The following SIK2 variants were observed in gnomAD, a reference collection of about 807,000 sequenced individuals.
SIK2 encodes the protein serine/threonine-protein kinase SIK2.
SIK2 carries 29 observed loss-of-function variants against 103.2 expected under a neutral mutation model. That is an observed-to-expected ratio of 0.28 (90% CI 0.21 to 0.38). SIK2 has a LOEUF of 0.38. Among genes scored for constraint, SIK2 ranks in the 10% least tolerant of loss-of-function variants. SIK2 has a pLI of 1.00. For missense variants in SIK2, 879 were observed against 1,171.0 expected (o/e 0.75, Z 3.64); for synonymous variants, 412 against 446.1 (o/e 0.92, Z 0.96).
chr11:111,714,870 C>G (rs1386965666), intron 9 of SIK2, among the ~76,000 whole-genome samples: 2 of 152,150 alleles, frequency 1.3e-5, no homozygotes, highest in Non-Finnish European at 2.9e-5. Flanking sequence ...TACAGTCCCA[C>G]TCAGAAAGTT....
rs1297550034 is a variant in SIK2, at chr11:111,721,912, A to G, written c.2027A>G (p.Glu676Gly). The change falls in exon 13 of 15, where the codon GAG (glutamate) becomes GGG (glycine). Residue 676 changes from glutamate (E) to glycine (G), a missense_variant. Coordinates refer to ENST00000304987, the MANE Select transcript of SIK2 (RefSeq NM_015191.3). ...CAGCTGTCCCCACGGCAGAGCCTGG[A>G]GACCCAGTACCTGCAGCACAGACTC... The part of the protein sequence containing the change: ...HPQLSPRQSL[E>G]TQYLQHRLQK... The G allele has an allele frequency of 6.2e-7, 1 of 1,611,260 alleles. No individual in the cohort carries two copies. Among genetic ancestry groups the G allele is most frequent in the Non-Finnish European group, 8.5e-7 (1 of 1,178,542 alleles).
Position 111,617,832 on chromosome 11 carries a change from TTGTG to T in SIK2, c.252+1475_252+1478del, listed in dbSNP as rs1941828016. Among the ~76,000 whole-genome samples the T allele has an allele frequency of 2.0e-5, 3 of 151,466 alleles. No individual in the cohort carries two copies. The South Asian group carries it at 6.4e-4, about 32-fold the overall frequency. On this transcript the variant is annotated intron_variant, in intron 2 of 14. Coordinates refer to ENST00000304987, the MANE Select transcript of SIK2 (RefSeq NM_015191.3). ...ACGTCACCATATGTGCCATGTGTGT[TTGTG>T]TATGTGTGTGTGTGTATATATATAT...
intron 9 of SIK2, among the ~76,000 whole-genome samples, chr11:111,717,862 A>T (rs1339285108): frequency 1.3e-5 from 2 of 152,180 alleles, no homozygotes; most frequent in Admixed American, 1.3e-4. Flanking sequence ...GTTCTCACGT[A>T]TAAGTAGGAG....
intron 3 of SIK2, among the ~76,000 whole-genome samples, chr11:111,660,768 T>G (rs1353602982): frequency 1.3e-5 from 2 of 151,918 alleles, no homozygotes; most frequent in Non-Finnish European, 2.9e-5. Flanking sequence ...CATGTGAGAT[T>G]ATAGTACCAG....
At chr11:111,695,842 C>T (rs1943059272) in intron 4 of SIK2, among the ~76,000 whole-genome samples, 2 of 152,332 alleles carry the variant, frequency 1.3e-5, no homozygotes, top group East Asian at 3.9e-4. Context: ...ATGCAAGACC[C>T]TCTTATTCCT....
rs886719177 is a variant in SIK2, at chr11:111,617,921, T to C, written c.252+1562T>C. ...TATTTTTAATGGATTCCCATAGGAATCATGTTTATTGTATTTTATTTTTTT... is the reference window on the plus strand; with the variant it reads ...TATTTTTAATGGATTCCCATAGGAACCATGTTTATTGTATTTTATTTTTTT... On this transcript the variant is annotated intron_variant, in intron 2 of 14. Transcript: ENST00000304987. Among the ~76,000 whole-genome samples, 22 of 151,916 alleles carry C rather than the reference T, an allele frequency of 1.4e-4. No individual in the cohort carries two copies. The South Asian group carries it at 3.3e-3, about 23-fold the overall frequency.
chr11:111,622,416 C>T lies in SIK2; in HGVS notation c.316+2014C>T, dbSNP rs534373485. The stretch of plus-strand genomic sequence containing the variant: ...TCCTACAGGCACCCACCACCACACC[C>T]GGCTAATTTTTTGTATTTTAGTAGA... On this transcript the variant is annotated intron_variant, in intron 3 of 14. Coordinates refer to ENST00000304987, the MANE Select transcript of SIK2 (RefSeq NM_015191.3). Among the ~76,000 whole-genome samples, 20 of 152,008 alleles carry T rather than the reference C, an allele frequency of 1.3e-4. No individual in the cohort carries two copies. In the South Asian group the frequency reaches 3.1e-3, roughly 24 times the overall value.
chr11:111,608,223 C>T (rs929801818), intron 1 of SIK2, among the ~76,000 whole-genome samples: 5 of 152,038 alleles, frequency 3.3e-5, no homozygotes, highest in South Asian at 2.1e-4. Context: ...ATTAGAAGAT[C>T]GAAAGATAAA....
At chr11:111,706,681 G>T (rs1462642870) in intron 8 of SIK2, among the ~76,000 whole-genome samples, 1 of 152,066 alleles carries the variant, frequency 6.6e-6, no homozygotes, top group African/African-American at 2.4e-5. Flanking sequence ...AAGAGTATTG[G>T]CTGGGCGTGG....
intron 3 of SIK2, among the ~76,000 whole-genome samples, chr11:111,628,414 A>ATTTCTTTCTTTCTTTCTTTCTTTCTTTC (rs1565317354): frequency 4.3e-5 from 2 of 46,960 alleles, no homozygotes; most frequent in Admixed American, 2.6e-4. Context: ...AACCGCTTTC[A>ATTTCTTTCTTTCTTTCTTTCTTTCTTTC]TATCTTTCTT....
chr11:111,719,222 C>T (rs560458053), intron 9 of SIK2, among the ~76,000 whole-genome samples: 1 of 152,196 alleles, frequency 6.6e-6, no homozygotes, highest in South Asian at 2.1e-4. Flanking sequence ...TCTTACTTTC[C>T]ATTCCCCAGG....
chr11:111,616,389 C>A, intron 2 of SIK2, 30 bp downstream of exon 2: 2 of 1,169,540 alleles, frequency 1.7e-6, no homozygotes, highest in South Asian at 1.2e-5. Flanking sequence ...TATCTCCATT[C>A]ATTCCACAAG....
chr11:111,647,456 T>C (rs1225946855), intron 3 of SIK2, among the ~76,000 whole-genome samples: 2 of 146,132 alleles, frequency 1.4e-5, no homozygotes, highest in Non-Finnish European at 3.0e-5. Flanking sequence ...ATCCCACATC[T>C]ACAAAAAATA....
chr11:111,626,318 T>A (rs1487762732), intron 3 of SIK2, among the ~76,000 whole-genome samples: 1 of 152,152 alleles, frequency 6.6e-6, no homozygotes, highest in Non-Finnish European at 1.5e-5. Flanking sequence ...TAGTTCAATT[T>A]GTTTTTATTT....
chr11:111,639,583 A>G (rs1942154122), intron 3 of SIK2, among the ~76,000 whole-genome samples: 1 of 152,222 alleles, frequency 6.6e-6, no homozygotes, highest in African/African-American at 2.4e-5. Flanking sequence ...TTAAAATCCT[A>G]TTCCATTTAT....
chr11:111,721,076 G>T lies in SIK2; in HGVS notation c.1944+14G>T, dbSNP rs1177584660. Reference sequence around the variant, plus strand: ...AGCTGCCCTCAGGTGGGTACCTTGGGCCCTTCCCTCAATGGCTCTGTGAGG... The same window carrying T: ...AGCTGCCCTCAGGTGGGTACCTTGGTCCCTTCCCTCAATGGCTCTGTGAGG... On this transcript the variant is annotated intron_variant, in intron 12 of 14. Coordinates refer to ENST00000304987, the MANE Select transcript of SIK2 (RefSeq NM_015191.3). 2 of 1,604,376 alleles carry T rather than the reference G, an allele frequency of 1.2e-6. No individual in the cohort carries two copies. Among genetic ancestry groups the T allele is most frequent in the South Asian group, 2.2e-5 (2 of 89,504 alleles).
intron 3 of SIK2, among the ~76,000 whole-genome samples, chr11:111,670,036 G>A (rs1942603497): frequency 6.6e-6 from 1 of 152,058 alleles, no homozygotes; most frequent in Non-Finnish European, 1.5e-5. Flanking sequence ...TTTTCTTTAT[G>A]CTGAAAACAT....
intron 3 of SIK2, among the ~76,000 whole-genome samples, chr11:111,641,565 AT>A: frequency 6.6e-6 from 1 of 151,958 alleles, no homozygotes; most frequent in South Asian, 2.1e-4. Context: ...TTATATTTTC[AT>A]TGCCTTAACC....
chr11:111,697,879 G>A (rs145387336), intron 4 of SIK2, among the ~76,000 whole-genome samples: 119 of 152,200 alleles, frequency 7.8e-4, no homozygotes, highest in African/African-American at 2.7e-3. Context: ...GCATGGTGGC[G>A]TGAGTCTATG....
Sources: allele counts gnomAD v4.1 joint callset (sites outside exome capture counted in the v4.1 genomes callset), GRCh38; gene constraint gnomAD v4.1.1; transcripts MANE v1.5; gene names NCBI Gene and HGNC (gene_info 2026-07-23, HGNC 2026-07-21).